Variants in LRRC74B observed in about 807,000 individuals in gnomAD.
The protein encoded by LRRC74B is leucine-rich repeat-containing protein 74B.
LRRC74B carries 30 observed loss-of-function variants against 16.6 expected under a neutral mutation model. The ratio of observed to expected loss-of-function variants is 1.80; its 90% CI spans 1.35 to 2.45. The LOEUF (loss-of-function observed/expected upper bound fraction) is 2.45, where lower values mean the gene tolerates loss of function less well. Among genes scored for constraint, LRRC74B ranks in the 30% most tolerant of loss-of-function variants. The pLI, the probability that LRRC74B is intolerant of heterozygous loss-of-function variation, is 0.00. For missense variants in LRRC74B, 326 were observed against 202.4 expected, an observed-to-expected ratio of 1.61 and a Z score of -3.71; for synonymous variants, 134 against 86.0, an observed-to-expected ratio of 1.56 and a Z score of -3.09.
intron 1 of LRRC74B, 77 bp from the exon 2 acceptor site, chr22:21,047,279 T>TA: frequency 1.5e-6 from 1 of 662,952 alleles, no homozygotes; most frequent in Admixed American, 2.3e-5. Flanking sequence ...ATAGGCCAGG[T>TA]AGTGACACAG....
chr22:21,060,304 G>C, intron 8 of LRRC74B, 69 bp from the exon 9 acceptor site: 1 of 638,080 alleles, frequency 1.6e-6, no homozygotes, highest in Non-Finnish European at 2.9e-6. Flanking sequence ...GACCTTGCGT[G>C]TGTGAGTGAA....
At position 21,052,454 on chromosome 22, in the gene LRRC74B, C is replaced by G. The variant is rs565096405; in HGVS notation, c.732+96C>G. On this transcript the variant is annotated intron_variant, in intron 5 of 8. Transcript: ENST00000442047. ...GTCTCTGCAGCTCCTCGGAAATGAACCTTGGATCTTTTAAGCACAGCTTAA... is the reference window on the plus strand; with the variant it reads ...GTCTCTGCAGCTCCTCGGAAATGAAGCTTGGATCTTTTAAGCACAGCTTAA... The G allele has an allele frequency of 8.7e-6, 6 of 686,150 alleles. No individual in the cohort carries two copies. The South Asian group carries it at 9.2e-5, about 11-fold the overall frequency. 42.5% of individuals were successfully genotyped at this position (686,150 alleles called of 1,614,324 possible).
intron 7 of LRRC74B, among the ~76,000 whole-genome samples, chr22:21,056,177 C>T (rs1930505317): frequency 6.6e-6 from 1 of 152,184 alleles, no homozygotes; most frequent in Non-Finnish European, 1.5e-5. Context: ...GAGTTTTATC[C>T]CCTCTGGATA....
In LRRC74B at chr22:21,048,144, C is replaced by T. The variant is rs1929648336; in HGVS notation, c.415+128C>T. 4.5e-6 allele frequency: 3 copies of T among 672,514 alleles called. No individual in the cohort carries two copies. The Admixed American group carries it at 6.2e-5, about 14-fold the overall frequency. 41.7% of individuals were successfully genotyped at this position (672,514 alleles called of 1,614,324 possible). The stretch of plus-strand genomic sequence containing the variant: ...TGTTGCTGGTGGATAGAAGAGGGGC[C>T]TCATCACAGGAGGGGGCATGTGGGG... On this transcript the variant is annotated intron_variant, in intron 3 of 8. Coordinates refer to ENST00000442047, the Ensembl canonical transcript of LRRC74B.
intron 7 of LRRC74B, among the ~76,000 whole-genome samples, chr22:21,055,576 G>A (rs1231855816): frequency 3.3e-5 from 5 of 152,284 alleles, no homozygotes; most frequent in South Asian, 2.1e-4. Flanking sequence ...CCCTGGGTTT[G>A]CAGGTGGGGA....
At chr22:21,047,588 A>G in intron 2 of LRRC74B, 90 bp downstream of exon 2, 1 of 663,588 alleles carries the variant, frequency 1.5e-6, no homozygotes, top group Non-Finnish European at 2.8e-6. Context: ...TGTCCCCTAC[A>G]CTCCCCAGCT....
chr22:21,057,393 G>C (rs901963017), intron 8 of LRRC74B, among the ~76,000 whole-genome samples, 193 bp downstream of exon 8: 1 of 152,218 alleles, frequency 6.6e-6, no homozygotes, highest in Non-Finnish European at 1.5e-5. Context: ...CAGACTGCTG[G>C]TTCCACGGGA....
At chr22:21,055,383 G>T (rs1459403269) in intron 7 of LRRC74B, among the ~76,000 whole-genome samples, 1 of 152,124 alleles carries the variant, frequency 6.6e-6, no homozygotes, top group Non-Finnish European at 1.5e-5. Flanking sequence ...TCTTCTTGCT[G>T]CCCTTCCTCC....
At chr22:21,047,949 C>A (rs1471749539) in exon 3 of LRRC74B, 4 of 717,314 alleles carry the variant, frequency 5.6e-6, no homozygotes, top group African/African-American at 5.2e-5. Context: ...ACCTTCGAGA[C>A]AATGGGCTCT....
At chr22:21,049,354 C>T (rs1379501764) in intron 4 of LRRC74B, 197 bp downstream of exon 4, 110 of 584,802 alleles carry the variant, frequency 1.9e-4, no homozygotes, top group African/African-American at 2.6e-4. Flanking sequence ...TATCTCATTG[C>T]GCGCTGCTGT....
intron 6 of LRRC74B, among the ~76,000 whole-genome samples, 153 bp from the exon 7 acceptor site, chr22:21,054,945 G>A (rs912838759): frequency 3.3e-5 from 5 of 152,172 alleles, no homozygotes; most frequent in Admixed American, 2.6e-4. Context: ...TTTACCTGTT[G>A]ATCTGTCCAG....
chr22:21,049,007 G>C, exon 4 of LRRC74B: 2 of 715,852 alleles, frequency 2.8e-6, no homozygotes, highest in South Asian at 1.5e-5. Flanking sequence ...CCTCTGTGCC[G>C]CCCTCACAGT....
At chr22:21,050,334 C>T (rs111977849) in intron 4 of LRRC74B, among the ~76,000 whole-genome samples, 11 of 151,684 alleles carry the variant, frequency 7.3e-5, no homozygotes, top group Admixed American at 1.3e-4. Context: ...CGCGCCTGGC[C>T]GAGAATTGTT....
intron 4 of LRRC74B, among the ~76,000 whole-genome samples, chr22:21,050,068 G>A (rs940271676): frequency 1.3e-5 from 2 of 151,994 alleles, no homozygotes; most frequent in African/African-American, 2.4e-5. Flanking sequence ...ACAGAGTCTC[G>A]CTCTGTCACC....
chr22:21,060,851 CTA>C (rs1930775796), downstream of LRRC74B, among the ~76,000 whole-genome samples: 1 of 152,168 alleles, frequency 6.6e-6, no homozygotes, highest in African/African-American at 2.4e-5. Flanking sequence ...CCTCAGGAAA[CTA>C]TTAAAATGTA....
chr22:21,052,035 C>G (rs1930103817), intron 4 of LRRC74B, among the ~76,000 whole-genome samples: 4 of 152,206 alleles, frequency 2.6e-5, no homozygotes, highest in Admixed American at 2.6e-4. Flanking sequence ...TCACGCCTCC[C>G]CCTTTTAGTC....
At chr22:21,051,839 C>T (rs1486353425) in intron 4 of LRRC74B, among the ~76,000 whole-genome samples, 1 of 152,196 alleles carries the variant, frequency 6.6e-6, no homozygotes, top group Non-Finnish European at 1.5e-5. Context: ...TTTGCAGTTT[C>T]CTGTGTCTCC....
chr22:21,054,855 C>T (rs775550589), intron 6 of LRRC74B, among the ~76,000 whole-genome samples: 6 of 152,290 alleles, frequency 3.9e-5, no homozygotes, highest in African/African-American at 9.6e-5. Flanking sequence ...CTCAGAGGAG[C>T]GGCAGCTGGT....
chr22:21,051,757 C>T (rs187849348), intron 4 of LRRC74B, among the ~76,000 whole-genome samples: 19 of 152,348 alleles, frequency 1.2e-4, no homozygotes, highest in African/African-American at 4.6e-4. Context: ...TTACTCCTTC[C>T]TCACCTCACT....
Sources: gnomAD v4.1 joint callset for allele counts (sites outside exome capture counted in the v4.1 genomes callset) on GRCh38, gnomAD v4.1.1 for gene constraint, MANE v1.5 for transcripts, NCBI Gene and HGNC (gene_info 2026-07-23, HGNC 2026-07-21) for gene names.